The following RSPRY1 variants were observed in gnomAD, a reference collection of about 807,000 sequenced individuals.
RSPRY1 encodes the protein RING finger and SPRY domain-containing protein 1.
Under a neutral mutation model 73.1 loss-of-function variants are expected in RSPRY1, and 23 were observed. The ratio of observed to expected loss-of-function variants is 0.31; its 90% CI spans 0.23 to 0.45. RSPRY1 has a LOEUF of 0.45. RSPRY1 is among the 20% of genes least tolerant of loss of function. The probability of loss-of-function intolerance (pLI) is 1.00; values close to 1 mark genes in which losing one functional copy is unlikely to be tolerated. For synonymous variants in RSPRY1, 226 were observed against 251.4 expected, an observed-to-expected ratio of 0.90 and a Z score of 0.95; for missense variants, 448 against 698.7, an observed-to-expected ratio of 0.64 and a Z score of 4.05.
chr16:57,226,042 C>T (rs1232626882), intron 10 of RSPRY1, among the ~76,000 whole-genome samples: 1 of 152,028 alleles, frequency 6.6e-6, no homozygotes, highest in East Asian at 1.9e-4. Context: ...CGCGCCATTG[C>T]ACTCCAGCCT....
intron 1 of RSPRY1, among the ~76,000 whole-genome samples, chr16:57,195,278 G>A (rs1289791147): frequency 6.6e-6 from 1 of 152,166 alleles, no homozygotes; most frequent in Non-Finnish European, 1.5e-5. Flanking sequence ...TTGGGAGGCC[G>A]AGGTGGGCAG....
At position 57,236,633 on chromosome 16, in the gene RSPRY1, T is replaced by G. The variant is rs139292948; in HGVS notation, c.1634+1405T>G. ...AGGCTAGTTTCACAGGTGAACTCTT[T>G]ACAACTTTCAGGGAATAGGTAGCCC... is the stretch of plus-strand genomic sequence containing the variant. On this transcript the variant is annotated intron_variant, in intron 14 of 14. Transcript: ENST00000394420. 2.3e-4 allele frequency among the ~76,000 whole-genome samples: 35 copies of G among 152,330 alleles called. No homozygotes were observed. In the East Asian group the frequency reaches 6.4e-3, roughly 28 times the overall value.
At chr16:57,216,216 T>A in intron 7 of RSPRY1, 43 bp downstream of exon 7, 1 of 1,419,222 alleles carries the variant, frequency 7.0e-7, no homozygotes, top group Non-Finnish European at 9.9e-7. Context: ...TCTGTATTGG[T>A]TGTTAAAAAT....
intron 3 of RSPRY1, among the ~76,000 whole-genome samples, chr16:57,208,349 A>G (rs1175351122): frequency 6.2e-5 from 7 of 112,416 alleles, no homozygotes; most frequent in Admixed American, 5.6e-4. Context: ...CTTTCACCAT[A>G]CTGTTCTGGA....
Position 57,194,117 on chromosome 16 carries a change from A to G in RSPRY1, c.-156+7666A>G, listed in dbSNP as rs570344755. Among the ~76,000 whole-genome samples, 3 of 152,328 alleles carry G rather than the reference A, an allele frequency of 2.0e-5. No individual in the cohort carries two copies. The East Asian group carries it at 5.8e-4, about 29-fold the overall frequency. On this transcript the variant is annotated intron_variant, in intron 1 of 14. Coordinates refer to ENST00000394420, the MANE Select transcript of RSPRY1 (RefSeq NM_133368.3). The stretch of plus-strand genomic sequence containing the variant: ...GTGTATGTAAATTCGACTCCTAAAA[A>G]CTTGAAGTTTATTGAAGTCTAATTA...
At chr16:57,207,805 A>G in intron 2 of RSPRY1, 1 of 530,678 alleles carries the variant, frequency 1.9e-6, no homozygotes, top group Non-Finnish European at 3.6e-6. Context: ...ACCCCAGGAC[A>G]CATAGTAGTC....
intron 1 of RSPRY1, among the ~76,000 whole-genome samples, chr16:57,199,277 G>A (rs2074513149): frequency 1.3e-5 from 2 of 152,152 alleles, no homozygotes; most frequent in South Asian, 2.1e-4. Flanking sequence ...GGCGGATCAC[G>A]AAGTCAAGAG....
intron 11 of RSPRY1, 46 bp from the exon 12 acceptor site, chr16:57,230,665 G>GGTAGTACACATC (rs776142324): frequency 1.9e-6 from 2 of 1,058,420 alleles, no homozygotes; most frequent in Admixed American, 1.7e-5. Context: ...AAAGAATCCT[G>GGTAGTACACATC]GTAGTACACA....
At position 57,208,391 on chromosome 16, in the gene RSPRY1, TA is replaced by T. The variant is rs1159203856; in HGVS notation, c.403+282del. Among the ~76,000 whole-genome samples the T allele has an allele frequency of 1.8e-3, 190 of 107,944 alleles. 2 individuals are homozygous for T. The highest frequency in any genetic ancestry group is 6.8e-3 in the African/African-American group (166 of 24,534). 70.8% of individuals were successfully genotyped at this position (107,944 alleles called of 152,430 possible). On this transcript the variant is annotated intron_variant, in intron 3 of 14. Coordinates refer to ENST00000394420, the MANE Select transcript of RSPRY1 (RefSeq NM_133368.3). ...AGGAGATTATTTATATATATATATATATATATATATTTTTTTTTTTTTTTGA... is the reference window on the plus strand; with the variant it reads ...AGGAGATTATTTATATATATATATATTATATATATTTTTTTTTTTTTTTGA...
chr16:57,192,888 G>A (rs2074375320), intron 1 of RSPRY1, among the ~76,000 whole-genome samples: 1 of 151,940 alleles, frequency 6.6e-6, no homozygotes, highest in South Asian at 2.1e-4. Flanking sequence ...GCTAATTTGT[G>A]TATTTTTTGT....
chr16:57,214,632 T>C (rs1311663682), intron 6 of RSPRY1, among the ~76,000 whole-genome samples: 1 of 152,250 alleles, frequency 6.6e-6, no homozygotes, highest in Non-Finnish European at 1.5e-5. Context: ...GTCCTATGAT[T>C]TCAAGAGGTT....
intron 11 of RSPRY1, among the ~76,000 whole-genome samples, chr16:57,228,448 A>G (rs1465201980): frequency 6.6e-6 from 1 of 152,068 alleles, no homozygotes; most frequent in Non-Finnish European, 1.5e-5. Context: ...AATGGAGCAT[A>G]TGATAAAGGC....
intron 11 of RSPRY1, among the ~76,000 whole-genome samples, chr16:57,228,398 G>A (rs2075154552): frequency 6.6e-6 from 1 of 151,864 alleles, no homozygotes; most frequent in Non-Finnish European, 1.5e-5. Flanking sequence ...TCATTTTAAT[G>A]GCTTGCAGGT....
intron 14 of RSPRY1, among the ~76,000 whole-genome samples, chr16:57,237,160 T>C (rs1222791499): frequency 6.6e-6 from 1 of 152,116 alleles, no homozygotes; most frequent in Non-Finnish European, 1.5e-5. Flanking sequence ...GCAGGTTTTT[T>C]TGAGATGGAG....
chr16:57,230,076 T>C (rs2075190975), intron 11 of RSPRY1, among the ~76,000 whole-genome samples: 2 of 142,224 alleles, frequency 1.4e-5, no homozygotes, highest in African/African-American at 5.3e-5. Context: ...AATGGCATGA[T>C]GTCGTCTCAC....
intron 11 of RSPRY1, among the ~76,000 whole-genome samples, chr16:57,230,203 G>T (rs1174629246): frequency 1.3e-5 from 2 of 151,780 alleles, no homozygotes; most frequent in South Asian, 2.1e-4. Context: ...TAGAGACGGG[G>T]TTTCACCATG....
intron 1 of RSPRY1, among the ~76,000 whole-genome samples, chr16:57,194,963 T>C (rs2074413289): frequency 1.3e-5 from 2 of 152,026 alleles, no homozygotes; most frequent in African/African-American, 4.8e-5. Flanking sequence ...GACCCTAAGT[T>C]TGATTATTTT....
chr16:57,187,024 A>T (rs534289019), intron 1 of RSPRY1: 1 of 152,168 alleles, frequency 6.6e-6, no homozygotes, highest in African/African-American at 2.4e-5. Flanking sequence ...GGAATGTCCT[A>T]CTACGGAAGC....
In RSPRY1 at chr16:57,227,436, A is replaced by C; in HGVS notation, c.1256A>C (p.His419Pro). The C allele has an allele frequency of 6.2e-7, 1 of 1,613,356 alleles. No homozygotes were observed. The highest frequency in any genetic ancestry group is 8.5e-7 in the Non-Finnish European group (1 of 1,179,314). Residue 419 changes from histidine to proline, a missense_variant, in exon 11 of 15, where the codon CAC (histidine) becomes CCC (proline). His to Pro is a moderately conservative substitution (Grantham distance 77, BLOSUM62 -2). Transcript: ENST00000394420. The stretch of plus-strand genomic sequence containing the variant: ...AATGCCAGAAGTAAGCCTCACATAC[A>C]CCCATGCTGGAAAGAAGGTATTCAT... Reference protein sequence around the residue: ...WYNARSKPHIHPCWKEGDTVG... With the variant: ...WYNARSKPHIPPCWKEGDTVG...
Sources: allele counts gnomAD v4.1 joint callset (sites outside exome capture counted in the v4.1 genomes callset), GRCh38; gene constraint gnomAD v4.1.1; transcripts MANE v1.5; gene names NCBI Gene and HGNC (gene_info 2026-07-23, HGNC 2026-07-21).